Variants in SYNJ2 observed in about 807,000 individuals in gnomAD.
SYNJ2 encodes polyphosphatidylinositol phosphatase SYNJ2.
A neutral mutation model predicts 141.3 loss-of-function variants in SYNJ2; 116 were observed. The observed-to-expected ratio is 0.82, with a 90% CI of 0.71 to 0.96. The LOEUF is 0.96. Among genes scored for constraint, SYNJ2 ranks in the 40% least tolerant of loss-of-function variants. The probability of loss-of-function intolerance (pLI) is 0.00; values close to 1 mark genes in which losing one functional copy is unlikely to be tolerated. For missense variants in SYNJ2, 1,873 were observed against 1,934.8 expected (o/e 0.97, Z 0.60); for synonymous variants, 745 against 777.7 (o/e 0.96, Z 0.70).
intron 2 of SYNJ2, among the ~76,000 whole-genome samples, chr6:158,025,275 C>T (rs545674179): frequency 3.3e-5 from 5 of 152,304 alleles, no homozygotes; most frequent in Admixed American, 3.3e-4. Context: ...TCCCAAATAC[C>T]CCCACCACCT....
chr6:158,076,930 A>C, intron 17 of SYNJ2, 148 bp downstream of exon 17: 1 of 957,902 alleles, frequency 1.0e-6, no homozygotes, highest in South Asian at 2.5e-5. Flanking sequence ...CCAGACCTTA[A>C]CCCCTAAGCT....
intron 4 of SYNJ2, among the ~76,000 whole-genome samples, chr6:158,042,037 T>C (rs1053499162): frequency 1.3e-5 from 2 of 152,210 alleles, no homozygotes; most frequent in Admixed American, 1.3e-4. Flanking sequence ...AACATTGTCT[T>C]TATATACAAA....
intron 1 of SYNJ2, among the ~76,000 whole-genome samples, chr6:158,005,159 G>A (rs553758945): frequency 6.7e-6 from 1 of 150,122 alleles, no homozygotes; most frequent in East Asian, 2.0e-4. Context: ...CTCACTGCAA[G>A]CTCCGCCTCC....
chr6:158,014,406 G>A (rs1778372991), intron 1 of SYNJ2, among the ~76,000 whole-genome samples: 1 of 152,232 alleles, frequency 6.6e-6, no homozygotes, highest in African/African-American at 2.4e-5. Context: ...TTGATTGATT[G>A]ACAAAAATGT....
intron 2 of SYNJ2, among the ~76,000 whole-genome samples, chr6:158,022,464 T>TG (rs1479305317): frequency 2.0e-5 from 3 of 152,086 alleles, no homozygotes. Flanking sequence ...CACTGGCTCT[T>TG]GCCTCCCTCC....
intron 16 of SYNJ2, 60 bp from the exon 17 acceptor site, chr6:158,076,566 G>C: frequency 6.4e-7 from 1 of 1,552,844 alleles, no homozygotes; most frequent in Admixed American, 2.0e-5. Flanking sequence ...TTTCGTTTTT[G>C]TATATAACAT....
intron 22 of SYNJ2, among the ~76,000 whole-genome samples, chr6:158,085,105 C>T (rs911994571): frequency 1.3e-5 from 2 of 151,670 alleles, no homozygotes; most frequent in African/African-American, 2.4e-5. Context: ...CTACAACCTC[C>T]ACCTCCCAGG....
At chr6:158,005,867 C>T (rs982493140) in intron 1 of SYNJ2, among the ~76,000 whole-genome samples, 3 of 152,170 alleles carry the variant, frequency 2.0e-5, no homozygotes, top group African/African-American at 7.2e-5. Context: ...ACCACCACTA[C>T]CCGCCCACCA....
intron 1 of SYNJ2, among the ~76,000 whole-genome samples, chr6:157,984,552 C>T (rs147957727): frequency 2.2e-4 from 33 of 152,012 alleles, no homozygotes; most frequent in African/African-American, 7.7e-4. Flanking sequence ...TACAGGCACA[C>T]GCCACCATGC....
At position 158,081,510 on chromosome 6, in the gene SYNJ2, G is replaced by A; in HGVS notation, c.2865G>A (p.Lys955=). ...ALSVLDVDGM[K]VKGRAVKIRP... is the part of the protein sequence containing the mutation. Reference sequence around the variant, plus strand: ...GTGTCCTGGACGTGGACGGTATGAAGGTACGCTGTACTTGGCCACACTGTG... The same window carrying A: ...GTGTCCTGGACGTGGACGGTATGAAAGTACGCTGTACTTGGCCACACTGTG... Residue 955 remains lysine, a splice_region_variant and synonymous_variant, in exon 20 of 27, where the codon AAG becomes AAA. Transcript: ENST00000355585. 1.9e-6 allele frequency: 3 copies of A among 1,606,200 alleles called. No homozygotes were observed. The highest frequency in any genetic ancestry group is 2.6e-6 in the Non-Finnish European group (3 of 1,175,534).
At position 158,017,953 on chromosome 6, in the gene SYNJ2, G is replaced by A. The variant is rs1166521886; in HGVS notation, c.214+663G>A. ...GGGGCTTCTGCCCAGGGCATTGTCCGCAGTACTCTAGAAGATGTGCCAAGG... is the reference window on the plus strand; with the variant it reads ...GGGGCTTCTGCCCAGGGCATTGTCCACAGTACTCTAGAAGATGTGCCAAGG... On this transcript the variant is annotated intron_variant, in intron 2 of 26. Coordinates refer to ENST00000355585, the MANE Select transcript of SYNJ2 (RefSeq NM_003898.4). Among the ~76,000 whole-genome samples the A allele has an allele frequency of 7.9e-5, 12 of 152,194 alleles. 1 individual carries two copies. The highest frequency in any genetic ancestry group is 2.6e-4 in the Admixed American group (4 of 15,284).
chr6:158,043,197 A>G lies in SYNJ2; in HGVS notation c.712-119A>G, dbSNP rs1321133993. 1.2e-6 allele frequency: 1 copy of G among 811,274 alleles called. No individual in the cohort carries two copies. Among genetic ancestry groups the G allele is most frequent in the East Asian group, 2.6e-5 (1 of 38,126 alleles). The allele number at this position is 811,274 out of a possible 1,614,324, so 50.3% of individuals were successfully genotyped here. On this transcript the variant is annotated intron_variant, in intron 4 of 26. Transcript: ENST00000355585. The surrounding 1 kb of genome is among the most constrained non-coding windows in gnomAD (Gnocchi z 4.0). ...GGGGGAGCAGAGGACGCCGGAGTCC[A>G]CCGTCCGCCCTTCATTCTGGCTGGT...
rs1208293514 is a variant in SYNJ2 at position 158,084,078 on chromosome 6, G to A, written c.3112G>A (p.Gly1038Arg). Reference sequence around the variant, plus strand: ...TGGAGTCTCGGACAGTGAACTCGGGGGAGACGACCTCTCTGATGTCCCCGG... The same window carrying A: ...TGGAGTCTCGGACAGTGAACTCGGGAGAGACGACCTCTCTGATGTCCCCGG... ...QPGVSDSELGGDDLSDVPGPT... is the reference protein window; with the variant it reads ...QPGVSDSELGRDDLSDVPGPT... Residue 1038 changes from glycine to arginine, a missense_variant, in exon 22 of 27, where the codon GGA becomes AGA. Gly to Arg is a moderately radical substitution (Grantham distance 125). Coordinates refer to ENST00000355585, the MANE Select transcript of SYNJ2 (RefSeq NM_003898.4). This position sits in a 1 kb window ranked among gnomAD's most constrained non-coding sequence, Gnocchi z 5.0. 1.9e-5 allele frequency: 30 copies of A among 1,614,148 alleles called. No homozygotes were observed. The highest frequency in any genetic ancestry group is 2.4e-5 in the Non-Finnish European group (28 of 1,180,010).
chr6:158,032,909 A>G (rs1427410171), intron 3 of SYNJ2, among the ~76,000 whole-genome samples: 1 of 152,202 alleles, frequency 6.6e-6, no homozygotes, highest in Non-Finnish European at 1.5e-5. Context: ...TCTTTTTAAA[A>G]TTTATTTTGG....
chr6:158,014,955 G>A (rs1022443974), intron 1 of SYNJ2, among the ~76,000 whole-genome samples: 3 of 152,334 alleles, frequency 2.0e-5, no homozygotes, highest in Middle Eastern at 3.4e-3. Context: ...GAGGACAAGT[G>A]CCTTTGAGGG....
chr6:158,066,702 C>CT (rs3215807), intron 12 of SYNJ2, 67 bp downstream of exon 12: 536,214 of 1,558,508 alleles, frequency 0.34, 94,552 homozygotes, highest in South Asian at 0.42. Context: ...ACGCTTGACC[C>CT]TTTAGTGGCC....
chr6:157,989,275 C>T (rs2128314225), intron 1 of SYNJ2, among the ~76,000 whole-genome samples: 1 of 151,970 alleles, frequency 6.6e-6, no homozygotes, highest in African/African-American at 2.4e-5. Flanking sequence ...CTTACTTCAT[C>T]CTTATGTCAA....
chr6:158,035,956 C>T (rs896395084), intron 4 of SYNJ2, among the ~76,000 whole-genome samples: 4 of 140,806 alleles, frequency 2.8e-5, no homozygotes, highest in African/African-American at 8.2e-5. Context: ...GGAACTTAAA[C>T]AAATTTCCAA....
rs1408519200 is a variant in SYNJ2, at chr6:158,095,720, G to A, written c.3847G>A (p.Val1283Ile). 6.2e-7 allele frequency: 1 copy of A among 1,614,138 alleles called. No homozygotes were observed. The highest frequency in any genetic ancestry group is 1.7e-5 in the Admixed American group (1 of 60,014). Residue 1283 changes from valine to isoleucine, a missense_variant, in exon 27 of 27, where the codon GTC (valine) becomes ATC (isoleucine). Val to Ile is a conservative substitution (Grantham distance 29). Coordinates refer to ENST00000355585, the MANE Select transcript of SYNJ2 (RefSeq NM_003898.4). ...EAPPVVTAPR[V>I]PPVPKPRTFQ... Reference sequence around the variant, plus strand: ...CCCTCCTGTCGTGACAGCCCCTCGAGTCCCTCCTGTTCCCAAACCAAGAAC... The same window carrying A: ...CCCTCCTGTCGTGACAGCCCCTCGAATCCCTCCTGTTCCCAAACCAAGAAC...
Sources: gnomAD v4.1 joint callset for allele counts (sites outside exome capture counted in the v4.1 genomes callset) on GRCh38, gnomAD v4.1.1 for gene constraint, Gnocchi (gnomAD v3.1) non-coding constraint, MANE v1.5 for transcripts, NCBI Gene and HGNC (gene_info 2026-07-23, HGNC 2026-07-21) for gene names.